PCDHA1: variants seen among roughly 807,000 people sequenced by gnomAD.
The protein encoded by PCDHA1 is protocadherin alpha-1.
Under a neutral mutation model 61.3 loss-of-function variants are expected in PCDHA1, and 42 were observed. The ratio of observed to expected loss-of-function variants is 0.69; its 90% CI spans 0.54 to 0.89. PCDHA1 has a LOEUF of 0.89. PCDHA1 is among the 40% of genes least tolerant of loss of function. PCDHA1 has a pLI of 0.00. For synonymous variants in PCDHA1, 610 were observed against 553.8 expected (o/e 1.10, Z -1.43); for missense variants, 1,256 against 1,235.3 (o/e 1.02, Z -0.25).
intron 1 of PCDHA1, chr5:140,869,855 T>C: frequency 6.2e-7 from 1 of 1,610,578 alleles, no homozygotes; most frequent in Non-Finnish European, 8.5e-7. Context: ...AAGGTGAGCC[T>C]TATGGAAAAT....
intron 1 of PCDHA1, among the ~76,000 whole-genome samples, chr5:140,953,564 G>C (rs2094904127): frequency 6.6e-6 from 1 of 152,058 alleles, no homozygotes; most frequent in Non-Finnish European, 1.5e-5. Context: ...AAGTTTTAGT[G>C]CCCTCCTCTC....
intron 1 of PCDHA1, chr5:140,807,621 C>A (rs781954870): frequency 1.2e-6 from 2 of 1,614,188 alleles, no homozygotes; most frequent in African/African-American, 1.3e-5. Context: ...ATCGCGGAAT[C>A]CAGGCCGCTT....
chr5:140,819,792 T>C (rs2150105225), intron 1 of PCDHA1, among the ~76,000 whole-genome samples: 2 of 152,160 alleles, frequency 1.3e-5, no homozygotes, highest in South Asian at 4.1e-4. Flanking sequence ...ACATGAGATA[T>C]TTTTTCCAGA....
At chr5:140,942,109 A>G (rs534603504) in intron 1 of PCDHA1, among the ~76,000 whole-genome samples, 55 of 152,334 alleles carry the variant, frequency 3.6e-4, no homozygotes, top group African/African-American at 1.3e-3. Flanking sequence ...CATATAATCA[A>G]ACTTTATTAA....
rs529667660 is a variant in PCDHA1, at chr5:140,786,148, C to A, written c.-143C>A. 5.6e-6 allele frequency: 6 copies of A among 1,076,822 alleles called. No individual in the cohort carries two copies. In the African/African-American group the frequency reaches 9.4e-5, roughly 17 times the overall value. 66.7% of individuals were successfully genotyped at this position (1,076,822 alleles called of 1,614,324 possible). A position where few individuals can be genotyped will look rare whatever the true frequency, so the allele number is the denominator to read the frequency against. ...GTCAATAGAAGGGAGCTACTGATCACTAAAAGTGAAGGAGGAAGCTCCATT... is the reference window on the plus strand; with the variant it reads ...GTCAATAGAAGGGAGCTACTGATCAATAAAAGTGAAGGAGGAAGCTCCATT... On this transcript the variant is annotated 5_prime_UTR_variant, in exon 1 of 4. Coordinates refer to ENST00000504120, the MANE Select transcript of PCDHA1 (RefSeq NM_018900.4).
At chr5:140,816,507 TTGTGTGTGTGTG>T (rs35639952) in intron 1 of PCDHA1, 1 of 149,440 alleles carries the variant, frequency 6.7e-6, no homozygotes, top group African/African-American at 2.5e-5. Context: ...GGAGGTGTGT[TTGTGTGTGTGTG>T]TGTGTGTGTG....
intron 1 of PCDHA1, chr5:140,883,268 T>G: frequency 6.2e-7 from 1 of 1,614,030 alleles, no homozygotes; most frequent in Non-Finnish European, 8.5e-7. Flanking sequence ...GGCGGGTCAT[T>G]GTACCCTTTT....
At chr5:140,875,292 T>C in intron 1 of PCDHA1, 1 of 1,401,900 alleles carries the variant, frequency 7.1e-7, no homozygotes, top group Non-Finnish European at 9.3e-7. Context: ...ACAGGAAAAT[T>C]TTTTTCTCCG....
intron 3 of PCDHA1, among the ~76,000 whole-genome samples, chr5:140,984,059 C>G (rs1269975627): frequency 6.6e-6 from 1 of 152,108 alleles, no homozygotes; most frequent in East Asian, 1.9e-4. Context: ...CAAATCTGTA[C>G]CCTCAGTGCC....
intron 1 of PCDHA1, among the ~76,000 whole-genome samples, chr5:140,960,717 TATTTTAGTCCATG>T (rs1244851083): frequency 3.3e-4 from 10 of 30,264 alleles, no homozygotes; most frequent in African/African-American, 2.5e-3. Flanking sequence ...ATACTCATCT[TATTTTAGTCCATG>T]ATTTTAGTCC....
Position 141,004,229 on chromosome 5 carries a change from T to G in PCDHA1, c.2543-5398T>G, listed in dbSNP as rs368330742. On this transcript the variant is annotated intron_variant, in intron 3 of 3. Transcript: ENST00000504120. ...AGATTAGGAGGTCAGTCAGTGTTTG[T>G]CAGATCCTTAAGCTTTTGTTTTACT... Among the ~76,000 whole-genome samples, 5 of 152,250 alleles carry G rather than the reference T, an allele frequency of 3.3e-5. No individual in the cohort carries two copies. The East Asian group carries it at 7.7e-4, about 23-fold the overall frequency.
intron 1 of PCDHA1, chr5:140,808,871 G>A: frequency 3.7e-6 from 6 of 1,613,166 alleles, no homozygotes; most frequent in Non-Finnish European, 5.1e-6. Flanking sequence ...AAACGACAAC[G>A]CGCCAGCACT....
chr5:140,843,269 CTGGTG>C, intron 1 of PCDHA1: 1 of 1,596,112 alleles, frequency 6.3e-7, no homozygotes, highest in East Asian at 2.2e-5. Flanking sequence ...TCTGCTGGTC[CTGGTG>C]AAGGATCATG....
At chr5:140,926,854 G>C (rs1554203742) in intron 1 of PCDHA1, 3 of 1,520,530 alleles carry the variant, frequency 2.0e-6, no homozygotes, top group South Asian at 2.6e-5. Flanking sequence ...GTCACCGTTG[G>C]TGTAGCGTGT....
At chr5:140,977,836 T>C (rs1300356505) in intron 1 of PCDHA1, among the ~76,000 whole-genome samples, 1 of 152,236 alleles carries the variant, frequency 6.6e-6, no homozygotes, top group African/African-American at 2.4e-5. Flanking sequence ...TCTATTGATA[T>C]TACTATGGCT....
chr5:140,937,838 G>A (rs757526914), intron 1 of PCDHA1, among the ~76,000 whole-genome samples: 3 of 150,986 alleles, frequency 2.0e-5, no homozygotes, highest in Non-Finnish European at 2.9e-5. Context: ...CATGAACCTG[G>A]AAGGCGGAAC....
In PCDHA1 at chr5:140,927,607, C is replaced by G. The variant is rs558609705; in HGVS notation, c.2395-51342C>G. On this transcript the variant is annotated intron_variant, in intron 1 of 3. Transcript: ENST00000504120. ...GCCTGTATTTGAGCGCTCCGTATACCGCACCAAGGTTCCAGAGACTGCACC... is the reference window on the plus strand; with the variant it reads ...GCCTGTATTTGAGCGCTCCGTATACGGCACCAAGGTTCCAGAGACTGCACC... 1.5e-5 allele frequency: 24 copies of G among 1,614,180 alleles called. 1 individual carries two copies. In the South Asian group the frequency reaches 2.6e-4, roughly 18 times the overall value.
intron 1 of PCDHA1, chr5:140,857,813 G>A (rs17844346): frequency 6.3e-7 from 1 of 1,597,700 alleles, no homozygotes; most frequent in African/African-American, 1.3e-5. Flanking sequence ...TGCGGGTCAC[G>A]TGGTGGCTAA....
At chr5:140,982,748 G>C (rs2097001127) in intron 3 of PCDHA1, among the ~76,000 whole-genome samples, 185 bp downstream of exon 3, 1 of 151,896 alleles carries the variant, frequency 6.6e-6, no homozygotes, top group African/African-American at 2.4e-5. Flanking sequence ...TGCTCTTCAG[G>C]AGTTGAAAAA....
Sources: gnomAD v4.1 joint callset for allele counts (sites outside exome capture counted in the v4.1 genomes callset) on GRCh38, gnomAD v4.1.1 for gene constraint, MANE v1.5 for transcripts, NCBI Gene and HGNC (gene_info 2026-07-23, HGNC 2026-07-21) for gene names.